The following CFAP206 variants were observed in gnomAD, a reference collection of about 807,000 sequenced individuals.
The protein encoded by CFAP206 is cilia- and flagella-associated protein 206.
Under a neutral mutation model 65.4 loss-of-function variants are expected in CFAP206, and 53 were observed. That is an observed-to-expected ratio of 0.81 (90% CI 0.65 to 1.02). The LOEUF (loss-of-function observed/expected upper bound fraction) is 1.02. Among genes scored for constraint, CFAP206 ranks in the 50% least tolerant of loss-of-function variants. The pLI is 0.00. For synonymous variants in CFAP206, 250 were observed against 254.4 expected (o/e 0.98, Z 0.17); for missense variants, 663 against 753.2 (o/e 0.88, Z 1.40).
intron 11 of CFAP206, chr6:87,436,679 G>C (rs1768274497): frequency 6.6e-6 from 1 of 152,310 alleles, no homozygotes; most frequent in Non-Finnish European, 1.5e-5. Context: ...CTGACATCGT[G>C]ATGACATCGT....
At chr6:87,443,958 T>C (rs893618403) in intron 11 of CFAP206, among the ~76,000 whole-genome samples, 5 of 152,204 alleles carry the variant, frequency 3.3e-5, no homozygotes, top group Admixed American at 3.3e-4. Context: ...CTTTTAAACA[T>C]AGCTATTTTC....
rs749300961 is a variant in CFAP206, at chr6:87,461,000, C to G, written c.1495-22C>G. On this transcript the variant is annotated intron_variant, in intron 11 of 12. Coordinates refer to ENST00000369562, the MANE Select transcript of CFAP206 (RefSeq NM_001031743.3). ...AATGTTTATTTTTTACAAGCACTAACTACAAAACTCCACTTCTTTAGATGA... is the reference window on the plus strand; with the variant it reads ...AATGTTTATTTTTTACAAGCACTAAGTACAAAACTCCACTTCTTTAGATGA... 3.9e-6 allele frequency: 6 copies of G among 1,558,252 alleles called. No individual in the cohort carries two copies. In the South Asian group the frequency reaches 7.4e-5, roughly 19 times the overall value.
At chr6:87,415,271 G>T (rs1417149900) in intron 4 of CFAP206, among the ~76,000 whole-genome samples, 2 of 151,208 alleles carry the variant, frequency 1.3e-5, no homozygotes, top group African/African-American at 4.9e-5. Flanking sequence ...CTTATGTATA[G>T]TATACTACAT....
rs117243427 is a variant in CFAP206, at chr6:87,454,543, T to C, written c.1495-6479T>C. Reference sequence around the variant, plus strand: ...ATCATATCAGTAGCTTCTCTAATCATAATGGAATAAAACTAGAAATTGGCT... The same window carrying C: ...ATCATATCAGTAGCTTCTCTAATCACAATGGAATAAAACTAGAAATTGGCT... On this transcript the variant is annotated intron_variant, in intron 11 of 12. Transcript: ENST00000369562. 3.5e-3 allele frequency among the ~76,000 whole-genome samples: 526 copies of C among 152,162 alleles called. 3 individuals are homozygous for C. Among genetic ancestry groups the C allele is most frequent in the Non-Finnish European group, 4.4e-3 (297 of 67,998 alleles).
chr6:87,427,818 G>A (rs1223114718), intron 8 of CFAP206, among the ~76,000 whole-genome samples: 4 of 151,886 alleles, frequency 2.6e-5, no homozygotes, highest in African/African-American at 9.7e-5. Flanking sequence ...AACAAAAAAT[G>A]GTCTTCAGTG....
chr6:87,430,960 G>A (rs779953011), intron 9 of CFAP206, 73 bp from the exon 10 acceptor site: 185 of 1,386,656 alleles, frequency 1.3e-4, no homozygotes, highest in Non-Finnish European at 1.7e-4. Flanking sequence ...TTTAGAATGA[G>A]CTACTGCTGA....
intron 11 of CFAP206, chr6:87,435,986 GTCTT>G (rs1301688803): frequency 1.3e-5 from 2 of 151,468 alleles, no homozygotes; most frequent in Non-Finnish European, 2.9e-5. Context: ...CTCTTAAGTG[GTCTT>G]TCTTTCTCTC....
chr6:87,416,977 A>C, intron 6 of CFAP206, 150 bp downstream of exon 6: 1 of 695,700 alleles, frequency 1.4e-6, no homozygotes. Context: ...TACTGTTTAT[A>C]ATGTGTAGTG....
At chr6:87,411,505 ATT>A (rs1305038) in intron 3 of CFAP206, among the ~76,000 whole-genome samples, 46,753 of 151,910 alleles carry the variant, frequency 0.31, 7,394 homozygotes, top group African/African-American at 0.38. Flanking sequence ...TTGATTATTC[ATT>A]TTGATGTGTA....
chr6:87,410,121 G>A (rs1427148465), intron 2 of CFAP206, among the ~76,000 whole-genome samples, 174 bp downstream of exon 2: 1 of 152,164 alleles, frequency 6.6e-6, no homozygotes, highest in African/African-American at 2.4e-5. Context: ...GAGCATGTGA[G>A]TTCTAGATTT....
At chr6:87,417,351 C>T (rs954947409) in intron 6 of CFAP206, among the ~76,000 whole-genome samples, 4 of 151,912 alleles carry the variant, frequency 2.6e-5, no homozygotes, top group African/African-American at 9.7e-5. Flanking sequence ...AAGTAACTTC[C>T]TTATGAAATT....
chr6:87,458,922 C>T (rs1172093119), intron 11 of CFAP206, among the ~76,000 whole-genome samples: 1 of 151,890 alleles, frequency 6.6e-6, no homozygotes, highest in East Asian at 1.9e-4. Flanking sequence ...TCTCATGTAA[C>T]CTGATAATTA....
At chr6:87,463,006 C>T (rs1768770621) in intron 12 of CFAP206, among the ~76,000 whole-genome samples, 1 of 152,168 alleles carries the variant, frequency 6.6e-6, no homozygotes, top group African/African-American at 2.4e-5. Flanking sequence ...TTTGCTAAGG[C>T]AGGTCTTCCA....
chr6:87,433,030 C>T (rs999254131), intron 10 of CFAP206, among the ~76,000 whole-genome samples: 3 of 152,314 alleles, frequency 2.0e-5, no homozygotes, highest in African/African-American at 4.8e-5. Context: ...CGCTTTGCCT[C>T]GTTTGCTCCA....
At chr6:87,421,828 G>C (rs1445343078) in intron 7 of CFAP206, among the ~76,000 whole-genome samples, 1 of 152,120 alleles carries the variant, frequency 6.6e-6, no homozygotes, top group Non-Finnish European at 1.5e-5. Flanking sequence ...ACAACACAGG[G>C]CTTCTTGATT....
intron 11 of CFAP206, among the ~76,000 whole-genome samples, chr6:87,452,712 A>G (rs1044383863): frequency 2.0e-5 from 3 of 152,068 alleles, no homozygotes; most frequent in Non-Finnish European, 4.4e-5. Context: ...AAGTCTCTCA[A>G]TAAATACTTG....
chr6:87,448,236 G>A (rs936796277), intron 11 of CFAP206, among the ~76,000 whole-genome samples: 1 of 152,060 alleles, frequency 6.6e-6, no homozygotes, highest in Non-Finnish European at 1.5e-5. Flanking sequence ...GCCCACTGCA[G>A]CCTCAAACTC....
chr6:87,415,470 G>A, intron 4 of CFAP206: 1 of 590,592 alleles, frequency 1.7e-6, no homozygotes, highest in Non-Finnish European at 3.1e-6. Context: ...TTTTGACAAA[G>A]TATTCCATTT....
chr6:87,463,894 A>G, intron 12 of CFAP206, 126 bp from the exon 13 acceptor site: 3 of 588,726 alleles, frequency 5.1e-6, no homozygotes, highest in South Asian at 3.5e-5. Flanking sequence ...AAAAAATGCT[A>G]TGTTATGGAA....
Sources: gnomAD v4.1 joint callset for allele counts (sites outside exome capture counted in the v4.1 genomes callset) on GRCh38, gnomAD v4.1.1 for gene constraint, MANE v1.5 for transcripts, NCBI Gene and HGNC (gene_info 2026-07-23, HGNC 2026-07-21) for gene names.